NKD2: variants seen among roughly 807,000 people sequenced by gnomAD.
NKD2 encodes the protein NKD inhibitor of Wnt signaling pathway 2.
Under a neutral mutation model 34.8 loss-of-function variants are expected in NKD2, and 43 were observed. The ratio of observed to expected loss-of-function variants is 1.24; its 90% CI spans 0.97 to 1.60. The LOEUF is 1.60. Ranked by LOEUF, NKD2 falls within the 40% of genes most tolerant of loss-of-function variation. NKD2 has a pLI of 0.00. For synonymous variants in NKD2, 278 were observed against 265.1 expected (o/e 1.05, Z -0.47); for missense variants, 675 against 627.1 (o/e 1.08, Z -0.82).
At chr5:1,019,539 G>A (rs1560986796) in intron 3 of NKD2, among the ~76,000 whole-genome samples, 1 of 152,186 alleles carries the variant, frequency 6.6e-6, no homozygotes, top group Non-Finnish European at 1.5e-5. Context: ...CCACAGCAGG[G>A]CCCTCGTGGA....
chr5:1,009,537 G>A lies in NKD2; in HGVS notation c.118G>A (p.Glu40Lys). 6.7e-7 allele frequency: 1 copy of A among 1,492,986 alleles called. No homozygotes were observed. Among genetic ancestry groups the A allele is most frequent in the Non-Finnish European group, 8.8e-7 (1 of 1,130,302 alleles). 92.5% of individuals were successfully genotyped at this position (1,492,986 alleles called of 1,614,324 possible). A position where few individuals can be genotyped will look rare whatever the true frequency, so the allele number is the denominator to read the frequency against. The change falls in exon 3 of 10, where the codon GAG (glutamate) becomes AAG (lysine). Residue 40 changes from glutamate (E) to lysine (K), a missense_variant. Glu to Lys is a moderately conservative substitution (Grantham distance 56). Coordinates refer to ENST00000296849, the MANE Select transcript of NKD2 (RefSeq NM_033120.4). This position sits in a 1 kb window ranked among gnomAD's most constrained non-coding sequence, Gnocchi z 6.9. Reference sequence around the variant, plus strand: ...CGGCCGCAAAGGCGCGGAGGAAGCGGAGCGGCGCGCGCGGGACAAGCAGGT... The same window carrying A: ...CGGCCGCAAAGGCGCGGAGGAAGCGAAGCGGCGCGCGCGGGACAAGCAGGT... ...ASGRKGAEEAERRARDKQELP... is the reference protein window; with the variant it reads ...ASGRKGAEEAKRRARDKQELP...
chr5:1,016,573 C>T (rs1755959799), intron 3 of NKD2, among the ~76,000 whole-genome samples: 1 of 152,234 alleles, frequency 6.6e-6, no homozygotes, highest in South Asian at 2.1e-4. Flanking sequence ...TGGTAAGTGT[C>T]TTGGCGGATT....
intron 9 of NKD2, 26 bp downstream of exon 9, chr5:1,036,410 G>C (rs377516637): frequency 1.3e-6 from 2 of 1,598,750 alleles, no homozygotes; most frequent in African/African-American, 1.3e-5. Flanking sequence ...CACCCTGGGC[G>C]TGAGGCCCTG....
intron 3 of NKD2, among the ~76,000 whole-genome samples, chr5:1,017,952 G>A (rs1049344871): frequency 1.3e-5 from 2 of 152,116 alleles, no homozygotes; most frequent in African/African-American, 4.8e-5. Context: ...GGCCAGGCAG[G>A]GGCGGGGGCT....
chr5:1,035,543 G>GCAGGCCACAGGCCA (rs147220476), intron 8 of NKD2, 70 bp downstream of exon 8: 2 of 1,247,086 alleles, frequency 1.6e-6, no homozygotes, highest in Admixed American at 2.0e-5. Context: ...CCTGCTTCCC[G>GCAGGCCACAGGCCA]CAGGCCACAG....
chr5:1,030,047 TCAC>T (rs1756584862), intron 3 of NKD2, among the ~76,000 whole-genome samples: 2 of 143,898 alleles, frequency 1.4e-5, no homozygotes, highest in Non-Finnish European at 3.0e-5. Flanking sequence ...CCTGGGGGCT[TCAC>T]CACACAGGTC....
intron 3 of NKD2, among the ~76,000 whole-genome samples, chr5:1,020,270 GCA>G (rs1363447507): frequency 2.0e-5 from 3 of 152,122 alleles, no homozygotes; most frequent in Non-Finnish European, 2.9e-5. Context: ...GGGCAGGGGC[GCA>G]CACACGTATA....
In NKD2 at chr5:1,032,217, G is replaced by A. The variant is rs1050208382; in HGVS notation, c.202+5G>A. ...AGGACCAGTGTCCCCTACAGGGTGA[G>A]TGCAGCTCCCGCAGCCCTCCCTCCC... On this transcript the variant is annotated splice_donor_5th_base_variant and intron_variant, in intron 4 of 9. Transcript: ENST00000296849. 15 of 1,606,268 alleles carry A rather than the reference G, an allele frequency of 9.3e-6. No homozygotes were observed. The highest frequency in any genetic ancestry group is 1.3e-5 in the Non-Finnish European group (15 of 1,175,908).
chr5:1,025,056 C>T (rs1756342183), intron 3 of NKD2, among the ~76,000 whole-genome samples: 1 of 32,442 alleles, frequency 3.1e-5, no homozygotes, highest in African/African-American at 6.1e-5. Context: ...TGTGGGTGTC[C>T]CAGCCCGTTG....
chr5:1,035,621 G>A, intron 8 of NKD2, 148 bp downstream of exon 8: 1 of 643,916 alleles, frequency 1.6e-6, no homozygotes. Context: ...GCTCTGTGGG[G>A]CATGGGCCCT....
intron 3 of NKD2, among the ~76,000 whole-genome samples, chr5:1,028,056 T>C (rs143482951): frequency 3.9e-5 from 6 of 152,230 alleles, no homozygotes; most frequent in African/African-American, 1.4e-4. Context: ...AGCTGGGGGT[T>C]GAGGTTTTGT....
chr5:1,009,179 C>T lies in NKD2; in HGVS notation c.26C>T (p.Ala9Val). The change falls in exon 2 of 10, where the codon GCC becomes GTC. Residue 9 changes from alanine (A) to valine (V), a missense_variant and splice_region_variant. By Grantham distance (64) the Ala-to-Val change is moderately conservative (BLOSUM62 0). Coordinates refer to ENST00000296849, the MANE Select transcript of NKD2 (RefSeq NM_033120.4). The surrounding 1 kb of genome is among the most constrained non-coding windows in gnomAD (Gnocchi z 6.9). Reference sequence around the variant, plus strand: ...CTCCCCGCGTCCCGCCGTGCCGCAGCCGCCGCCGCCCGCAAGCGGAGAGAG... The same window carrying T: ...CTCCCCGCGTCCCGCCGTGCCGCAGTCGCCGCCGCCCGCAAGCGGAGAGAG... The part of the protein sequence containing the change: MGKLQSKH[A>V]AAARKRRESP... 2 of 560,138 alleles carry T rather than the reference C, an allele frequency of 3.6e-6. No homozygotes were observed. Among genetic ancestry groups the T allele is most frequent in the South Asian group, 2.1e-5 (1 of 47,138 alleles). 34.7% of individuals were successfully genotyped at this position (560,138 alleles called of 1,614,324 possible).
Position 1,032,904 on chromosome 5 carries a change from G to A in NKD2, c.203-468G>A, listed in dbSNP as rs1344409579. ...ATTGTGCTCCAGAAACCAGAGGACT[G>A]TTCATCCATCCTGCCCAGAGGCTGC... On this transcript the variant is annotated intron_variant, in intron 4 of 9. Transcript: ENST00000296849. Among the ~76,000 whole-genome samples the A allele has an allele frequency of 2.6e-5, 4 of 152,240 alleles. No homozygotes were observed. In the East Asian group the frequency reaches 5.8e-4, roughly 22 times the overall value.
chr5:1,020,882 G>C (rs2150733551), intron 3 of NKD2, among the ~76,000 whole-genome samples: 1 of 152,178 alleles, frequency 6.6e-6, no homozygotes, highest in East Asian at 1.9e-4. Flanking sequence ...GCACTGCAGA[G>C]ACCCTCCCTG....
chr5:1,011,952 C>T (rs1456096125), intron 3 of NKD2, among the ~76,000 whole-genome samples: 1 of 152,200 alleles, frequency 6.6e-6, no homozygotes, highest in African/African-American at 2.4e-5. Context: ...GGTGACGGTG[C>T]CGTGAAGGTC....
chr5:1,035,982 G>A, intron 8 of NKD2: 1 of 521,424 alleles, frequency 1.9e-6, no homozygotes, highest in Non-Finnish European at 3.0e-6. Context: ...GTGGTGATCA[G>A]GTGCCACTAC....
At position 1,036,325 on chromosome 5, in the gene NKD2, G is replaced by A. The variant is rs770214083; in HGVS notation, c.728G>A (p.Arg243His). ...GPYCVDENTE[R>H]RNHYLDLAGI... The stretch of plus-strand genomic sequence containing the variant: ...TACTGCGTGGACGAGAACACGGAGC[G>A]CAGAAACCACTACCTGGACCTCGCC... Residue 243 changes from arginine to histidine, a missense_variant, in exon 9 of 10, where the codon CGC becomes CAC. Arg to His is a conservative substitution (Grantham distance 29). Coordinates refer to ENST00000296849, the MANE Select transcript of NKD2 (RefSeq NM_033120.4). 72 of 1,612,800 alleles carry A rather than the reference G, an allele frequency of 4.5e-5. 1 individual carries two copies. The highest frequency in any genetic ancestry group is 2.2e-4 in the South Asian group (20 of 91,072).
chr5:1,038,450 C>CTG lies in NKD2; in HGVS notation c.*82_*83dup. On this transcript the variant is annotated 3_prime_UTR_variant, in exon 10 of 10. Coordinates refer to ENST00000296849, the MANE Select transcript of NKD2 (RefSeq NM_033120.4). The surrounding 1 kb of genome is among the most constrained non-coding windows in gnomAD (Gnocchi z 4.5). ...GGGCAGGGAGCAGAGCAGCTGCCGG[C>CTG]TGTGTGCCCATGGGGAGCCCAGCCC... is the stretch of plus-strand genomic sequence containing the variant. 6.5e-7 allele frequency: 1 copy of CTG among 1,535,644 alleles called. No individual in the cohort carries two copies. The highest frequency in any genetic ancestry group is 1.2e-5 in the South Asian group (1 of 84,040).
At chr5:1,020,853 AC>A (rs971130897) in intron 3 of NKD2, among the ~76,000 whole-genome samples, 1 of 151,350 alleles carries the variant, frequency 6.6e-6, no homozygotes, top group Non-Finnish European at 1.5e-5. Flanking sequence ...CTGAGCGTCC[AC>A]CCTCGTGGCA....
Sources: gnomAD v4.1 joint callset for allele counts (sites outside exome capture counted in the v4.1 genomes callset) on GRCh38, gnomAD v4.1.1 for gene constraint, Gnocchi (gnomAD v3.1) non-coding constraint, MANE v1.5 for transcripts, NCBI Gene and HGNC (gene_info 2026-07-23, HGNC 2026-07-21) for gene names.